GNAI3: variants seen among roughly 807,000 people sequenced by gnomAD.
The protein encoded by GNAI3 is guanine nucleotide-binding protein G(i) subunit alpha-3.
Under a neutral mutation model 41.8 loss-of-function variants are expected in GNAI3, and 12 were observed. That is an observed-to-expected ratio of 0.29 (90% confidence interval 0.18 to 0.47). The LOEUF (loss-of-function observed/expected upper bound fraction) is 0.47. Among genes scored for constraint, GNAI3 ranks in the 20% least tolerant of loss-of-function variants. The pLI is 1.00. For synonymous variants in GNAI3, 132 were observed against 146.5 expected (o/e 0.90, Z 0.71); for missense variants, 360 against 429.6 (o/e 0.84, Z 1.43).
At chr1:109,586,105 A>G in intron 5 of GNAI3, 111 bp from the exon 6 acceptor site, 1 of 801,312 alleles carries the variant, frequency 1.2e-6, no homozygotes, top group African/African-American at 1.8e-5. Flanking sequence ...TTTTTCTTCT[A>G]TTATAAATGA....
At chr1:109,575,184 A>G (rs1031066615) in intron 3 of GNAI3, among the ~76,000 whole-genome samples, 1 of 152,236 alleles carries the variant, frequency 6.6e-6, no homozygotes, top group Non-Finnish European at 1.5e-5. Context: ...TTGGCAGTCA[A>G]GCAAAAATAA....
In GNAI3 at chr1:109,558,777, T is replaced by C. The variant is rs555632321; in HGVS notation, c.118+9939T>C. On this transcript the variant is annotated intron_variant, in intron 1 of 8. Coordinates refer to ENST00000369851, the MANE Select transcript of GNAI3 (RefSeq NM_006496.4). The stretch of plus-strand genomic sequence containing the variant: ...AAAAACGTTTGGCAAAGTAGATTGC[T>C]CATAGAGTTTAGCTATCCATGCTTT... 9.1e-4 allele frequency among the ~76,000 whole-genome samples: 139 copies of C among 152,328 alleles called. 1 individual carries two copies. Among genetic ancestry groups the C allele is most frequent in the African/African-American group, 3.0e-3 (125 of 41,576 alleles).
At chr1:109,562,822 C>A (rs1300545057) in intron 1 of GNAI3, among the ~76,000 whole-genome samples, 3 of 152,176 alleles carry the variant, frequency 2.0e-5, no homozygotes, top group Non-Finnish European at 2.9e-5. Context: ...CAAAATTTTA[C>A]AATTTTGGGA....
intron 1 of GNAI3, among the ~76,000 whole-genome samples, chr1:109,569,055 A>T (rs1390009459): frequency 6.6e-6 from 1 of 152,166 alleles, no homozygotes; most frequent in Non-Finnish European, 1.5e-5. Context: ...TGCCTCTTTT[A>T]TTGAGAATGA....
chr1:109,562,715 C>T (rs563387543), intron 1 of GNAI3, among the ~76,000 whole-genome samples: 17 of 152,216 alleles, frequency 1.1e-4, no homozygotes, highest in Middle Eastern at 3.4e-3. Context: ...GTTTGATTTA[C>T]ATTGGATTAA....
chr1:109,593,309 C>CAGTG lies in GNAI3; in HGVS notation c.*988_*991dup, dbSNP rs1649215757. The stretch of plus-strand genomic sequence containing the variant: ...TTGAGAAACATCTAAAGTGTATTAA[C>CAGTG]AGTGCATGCTTTTACTTTGTAAATG... On this transcript the variant is annotated 3_prime_UTR_variant, in exon 9 of 9. Coordinates refer to ENST00000369851, the MANE Select transcript of GNAI3 (RefSeq NM_006496.4). 8 of 152,762 alleles carry CAGTG rather than the reference C, an allele frequency of 5.2e-5. No individual in the cohort carries two copies. In the South Asian group the frequency reaches 1.7e-3, roughly 32 times the overall value. 9.5% of individuals were successfully genotyped at this position (152,762 alleles called of 1,614,324 possible). A position where few individuals can be genotyped will look rare whatever the true frequency, so the allele number is the denominator to read the frequency against.
intron 1 of GNAI3, among the ~76,000 whole-genome samples, chr1:109,569,146 GGATATC>G (rs1381828751): frequency 5.9e-5 from 9 of 152,094 alleles, no homozygotes; most frequent in African/African-American, 2.2e-4. Flanking sequence ...TACTTATATA[GGATATC>G]CTTTAAAGGA....
intron 3 of GNAI3, among the ~76,000 whole-genome samples, chr1:109,574,649 AT>A (rs1648689990): frequency 6.6e-6 from 1 of 152,192 alleles, no homozygotes; most frequent in African/African-American, 2.4e-5. Flanking sequence ...AGTTTATAAA[AT>A]TAGAGCATGT....
Position 109,558,792 on chromosome 1 carries a change from A to C in GNAI3, c.118+9954A>C, listed in dbSNP as rs1440975734. ...AGTAGATTGCTCATAGAGTTTAGCTATCCATGCTTTGTTTTTACCTTTAGT... is the reference window on the plus strand; with the variant it reads ...AGTAGATTGCTCATAGAGTTTAGCTCTCCATGCTTTGTTTTTACCTTTAGT... On this transcript the variant is annotated intron_variant, in intron 1 of 8. Coordinates refer to ENST00000369851, the MANE Select transcript of GNAI3 (RefSeq NM_006496.4). Among the ~76,000 whole-genome samples the C allele has an allele frequency of 2.6e-5, 4 of 152,202 alleles. No homozygotes were observed. The East Asian group carries it at 7.7e-4, about 29-fold the overall frequency.
rs755417018 is a variant in GNAI3 at position 109,559,121 on chromosome 1, C to T, written c.118+10283C>T. 5.9e-5 allele frequency among the ~76,000 whole-genome samples: 9 copies of T among 151,512 alleles called. No individual in the cohort carries two copies. In the South Asian group the frequency reaches 6.3e-4, roughly 11 times the overall value. On this transcript the variant is annotated intron_variant, in intron 1 of 8. Coordinates refer to ENST00000369851, the MANE Select transcript of GNAI3 (RefSeq NM_006496.4). The stretch of plus-strand genomic sequence containing the variant: ...TGAACCCAGGAGGCAGAGGTTGCAG[C>T]GCGCTGAGATTGTGGCACTGCACTC...
At position 109,593,692 on chromosome 1, in the gene GNAI3, A is replaced by G. The variant is rs1474332705; in HGVS notation, c.*1370A>G. 2.0e-5 allele frequency: 3 copies of G among 146,608 alleles called. No individual in the cohort carries two copies. Among genetic ancestry groups the G allele is most frequent in the Non-Finnish European group, 3.0e-5 (2 of 65,742 alleles). The allele number at this position is 146,608 out of a possible 1,614,324, so 9.1% of individuals were successfully genotyped here. A position where few individuals can be genotyped will look rare whatever the true frequency, so the allele number is the denominator to read the frequency against. On this transcript the variant is annotated 3_prime_UTR_variant, in exon 9 of 9. Coordinates refer to ENST00000369851, the MANE Select transcript of GNAI3 (RefSeq NM_006496.4). ...ACCTTAGGTTTTATGTTATATCTGCATATGAGTGATATGTGATCATGATTC... is the reference window on the plus strand; with the variant it reads ...ACCTTAGGTTTTATGTTATATCTGCGTATGAGTGATATGTGATCATGATTC...
At chr1:109,562,814 A>G (rs1442509963) in intron 1 of GNAI3, among the ~76,000 whole-genome samples, 1 of 152,160 alleles carries the variant, frequency 6.6e-6, no homozygotes, top group Non-Finnish European at 1.5e-5. Context: ...TTAAATCCCA[A>G]AATTTTACAA....
At chr1:109,572,958 G>A (rs1406680406) in intron 1 of GNAI3, among the ~76,000 whole-genome samples, 7 of 152,154 alleles carry the variant, frequency 4.6e-5, no homozygotes, top group Admixed American at 2.6e-4. Context: ...GGTAGATGTC[G>A]TTGTGGGAAA....
chr1:109,568,536 A>G (rs768246698), intron 1 of GNAI3, among the ~76,000 whole-genome samples: 6 of 151,996 alleles, frequency 3.9e-5, no homozygotes, highest in Non-Finnish European at 8.8e-5. Context: ...ACAGAGCAAG[A>G]CTCTGTCTCA....
At chr1:109,554,156 T>C (rs1648082183) in intron 1 of GNAI3, among the ~76,000 whole-genome samples, 1 of 152,192 alleles carries the variant, frequency 6.6e-6, no homozygotes, top group African/African-American at 2.4e-5. Context: ...GCTGGTTCCA[T>C]ATTTTTGCCA....
intron 7 of GNAI3, among the ~76,000 whole-genome samples, chr1:109,588,786 G>T (rs557679981): frequency 6.6e-6 from 1 of 152,012 alleles, no homozygotes; most frequent in East Asian, 1.9e-4. Flanking sequence ...CCAGCTACTC[G>T]GGAGGCTGAG....
At chr1:109,548,901 A>ACCAG in intron 1 of GNAI3, 63 bp downstream of exon 1, 3 of 1,111,226 alleles carry the variant, frequency 2.7e-6, no homozygotes, top group Non-Finnish European at 4.1e-6. Flanking sequence ...GGAAGGCCTG[A>ACCAG]ACGGGGTCTG....
chr1:109,581,357 T>C (rs1648885219), intron 4 of GNAI3, among the ~76,000 whole-genome samples: 1 of 152,098 alleles, frequency 6.6e-6, no homozygotes, highest in African/African-American at 2.4e-5. Context: ...TCACTATAGT[T>C]CTCTCAATTT....
chr1:109,578,524 C>A (rs1487328015), intron 3 of GNAI3, among the ~76,000 whole-genome samples: 1 of 150,318 alleles, frequency 6.7e-6, no homozygotes, highest in African/African-American at 2.4e-5. Context: ...GGCTATGACT[C>A]ATGAAGTTAT....
Sources: gnomAD v4.1 joint callset for allele counts (sites outside exome capture counted in the v4.1 genomes callset) on GRCh38, gnomAD v4.1.1 for gene constraint, MANE v1.5 for transcripts, NCBI Gene and HGNC (gene_info 2026-07-23, HGNC 2026-07-21) for gene names.